Variants in GBP3 observed in about 807,000 individuals in gnomAD.
GBP3 encodes guanylate-binding protein 3.
In GBP3, 55 loss-of-function variants were observed where a neutral mutation model predicts 62.4. The observed-to-expected ratio is 0.88, with a 90% CI of 0.71 to 1.10. The LOEUF (loss-of-function observed/expected upper bound fraction) is 1.10. GBP3 is among the 50% of genes least tolerant of loss of function. The pLI is 0.00. For synonymous variants in GBP3, 208 were observed against 259.2 expected (o/e 0.80, Z 1.90); for missense variants, 605 against 690.6 (o/e 0.88, Z 1.39).
chr1:89,015,832 C>G (rs571389258), intron 2 of GBP3, among the ~76,000 whole-genome samples: 2 of 151,472 alleles, frequency 1.3e-5, no homozygotes, highest in East Asian at 3.9e-4. Context: ...AAATCCACAG[C>G]CTGCTTCATA....
intron 1 of GBP3, among the ~76,000 whole-genome samples, chr1:89,022,399 T>A (rs1039116211): frequency 1.3e-5 from 2 of 152,228 alleles, no homozygotes; most frequent in Non-Finnish European, 2.9e-5. Flanking sequence ...AGAGAAAGAC[T>A]ATCCTAGTGC....
At chr1:89,013,044 G>A in intron 6 of GBP3, 141 bp downstream of exon 6, 1 of 842,144 alleles carries the variant, frequency 1.2e-6, no homozygotes, top group Non-Finnish European at 1.9e-6. Context: ...TGCCATGTGG[G>A]CTAGGTTGGT....
At chr1:89,015,096 G>T (rs989847721) in intron 3 of GBP3, among the ~76,000 whole-genome samples, 191 bp downstream of exon 3, 2 of 152,174 alleles carry the variant, frequency 1.3e-5, no homozygotes, top group Admixed American at 1.3e-4. Context: ...TGACCACCAT[G>T]CTTTGCTAGG....
intron 5 of GBP3, chr1:89,013,642 T>G (rs112660207): frequency 2.0e-5 from 11 of 556,790 alleles, no homozygotes; most frequent in African/African-American, 1.5e-4. Flanking sequence ...CAGGCAGAAT[T>G]GGCCATCATT....
chr1:89,009,815 G>A (rs1468234444), intron 8 of GBP3, among the ~76,000 whole-genome samples: 1 of 152,150 alleles, frequency 6.6e-6, no homozygotes, highest in Non-Finnish European at 1.5e-5. Flanking sequence ...CTCCTTGAGA[G>A]AGCAAATCAG....
chr1:89,013,157 G>A, intron 6 of GBP3, 28 bp downstream of exon 6: 11 of 1,603,418 alleles, frequency 6.9e-6, no homozygotes, highest in Non-Finnish European at 9.4e-6. Flanking sequence ...TTTTAACAAT[G>A]AGTGGAAGTA....
chr1:89,018,375 C>A (rs1443806241), intron 2 of GBP3, among the ~76,000 whole-genome samples: 3 of 152,132 alleles, frequency 2.0e-5, no homozygotes, highest in Admixed American at 1.3e-4. Context: ...AGAGGGGGCA[C>A]CTGTCCATGT....
chr1:89,017,436 A>T lies in GBP3; in HGVS notation c.191-2022T>A, dbSNP rs544885301. On this transcript the variant is annotated intron_variant, in intron 2 of 10. Coordinates refer to ENST00000370481, the MANE Select transcript of GBP3 (RefSeq NM_018284.3). ...AAACTCATGGGAGAAAACAAAGGGG[A>T]AAAACAGACAGTAAAAGGAAAAACA... is the stretch of plus-strand genomic sequence containing the variant. 2.1e-3 allele frequency among the ~76,000 whole-genome samples: 327 copies of T among 152,312 alleles called. 1 individual carries two copies. The highest frequency in any genetic ancestry group is 4.1e-3 in the Non-Finnish European group (278 of 68,032).
At chr1:89,022,361 C>G (rs1234769381) in intron 1 of GBP3, among the ~76,000 whole-genome samples, 1 of 152,166 alleles carries the variant, frequency 6.6e-6, no homozygotes, top group Non-Finnish European at 1.5e-5. Context: ...GTAATCATGT[C>G]CCTAGTCAAC....
chr1:89,021,510 G>GCGCGCGCACACA lies in GBP3; in HGVS notation c.-22-768_-22-767insTGTGTGCGCGCG, dbSNP rs751639388. ...CTAAGAAACACGCATGCGCGCGCGC[G>GCGCGCGCACACA]CACACACACACACACACACACACAC... On this transcript the variant is annotated intron_variant, in intron 1 of 10. Coordinates refer to ENST00000370481, the MANE Select transcript of GBP3 (RefSeq NM_018284.3). Among the ~76,000 whole-genome samples, 169 of 131,734 alleles carry GCGCGCGCACACA rather than the reference G, an allele frequency of 1.3e-3. 3 individuals are homozygous for GCGCGCGCACACA. The highest frequency in any genetic ancestry group is 5.3e-3 in the Admixed American group (70 of 13,124). 86.4% of individuals were successfully genotyped at this position (131,734 alleles called of 152,430 possible).
intron 6 of GBP3, 127 bp from the exon 7 acceptor site, chr1:89,012,154 G>T: frequency 1.0e-6 from 1 of 981,906 alleles, no homozygotes; most frequent in Non-Finnish European, 1.5e-6. Flanking sequence ...TCATCTGGAA[G>T]CTTGCTGGAA....
intron 3 of GBP3, among the ~76,000 whole-genome samples, chr1:89,014,928 A>C (rs1557729407): frequency 6.6e-6 from 1 of 152,246 alleles, no homozygotes; most frequent in Admixed American, 6.5e-5. Flanking sequence ...GTTAATGGGC[A>C]TTCTAAGGCC....
At chr1:89,019,192 A>C in intron 2 of GBP3, among the ~76,000 whole-genome samples, 1 of 152,270 alleles carries the variant, frequency 6.6e-6, no homozygotes, top group African/African-American at 2.4e-5. Context: ...TATTTGTAAT[A>C]GCCAAAAGGT....
chr1:89,011,023 G>C lies in GBP3; in HGVS notation c.1243C>G (p.Pro415Ala). The change falls in exon 8 of 11, where the codon CCT (proline) becomes GCT (alanine). Residue 415 changes from proline (P) to alanine (A), a missense_variant. By Grantham distance (27) the Pro-to-Ala change is conservative. Coordinates refer to ENST00000370481, the MANE Select transcript of GBP3 (RefSeq NM_018284.3). ...CCCGCCTTCACTTCTTCTTCTAGAG[G>C]ACTGAAAATGACCTGAAGTAAAGCT... ...CSALLQVIFS[P>A]LEEEVKAGIY... The C allele has an allele frequency of 6.8e-7, 1 of 1,461,702 alleles. No individual in the cohort carries two copies. The highest frequency in any genetic ancestry group is 9.5e-7 in the Non-Finnish European group (1 of 1,055,034). The allele number at this position is 1,461,702 out of a possible 1,614,324, so 90.5% of individuals were successfully genotyped here.
At chr1:89,021,507 C>CGT (rs1553178164) in intron 1 of GBP3, among the ~76,000 whole-genome samples, 1 of 93,576 alleles carries the variant, frequency 1.1e-5, no homozygotes, top group African/African-American at 3.7e-5. Flanking sequence ...CATGCGCGCG[C>CGT]GCGCACACAC....
At chr1:89,021,510 G>GCGCGCGCGCACACACACACACACACA (rs751639388) in intron 1 of GBP3, among the ~76,000 whole-genome samples, 1 of 131,668 alleles carries the variant, frequency 7.6e-6, no homozygotes, top group African/African-American at 3.0e-5. Flanking sequence ...GCGCGCGCGC[G>GCGCGCGCGCACACACACACACACACA]CACACACACA....
At chr1:89,020,249 A>G (rs1368675334) in intron 2 of GBP3, 6 of 459,098 alleles carry the variant, frequency 1.3e-5, no homozygotes, top group Non-Finnish European at 1.6e-5. Context: ...AGAAAAAAAA[A>G]GACTAGTCAA....
intron 4 of GBP3, 121 bp from the exon 5 acceptor site, chr1:89,014,400 G>C: frequency 6.3e-7 from 1 of 1,592,988 alleles, no homozygotes; most frequent in Non-Finnish European, 8.6e-7. Context: ...TTCTAAAGTG[G>C]ATACATGGGA....
chr1:89,008,053 C>T (rs7550155), intron 10 of GBP3, among the ~76,000 whole-genome samples: 30,028 of 151,800 alleles, frequency 0.2, 3,716 homozygotes, highest in East Asian at 0.37. Context: ...AAAAGAGTTT[C>T]AGCGTATGCC....
Sources: allele counts gnomAD v4.1 joint callset (sites outside exome capture counted in the v4.1 genomes callset), GRCh38; gene constraint gnomAD v4.1.1; transcripts MANE v1.5; gene names NCBI Gene and HGNC (gene_info 2026-07-23, HGNC 2026-07-21).